The following GTF3A variants were observed in gnomAD, a reference collection of about 807,000 sequenced individuals.
GTF3A encodes general transcription factor IIIA, also known as transcription factor IIIA.
In GTF3A, 40 loss-of-function variants were observed where a neutral mutation model predicts 37.6. The observed-to-expected ratio is 1.06, with a 90% CI of 0.83 to 1.38. The LOEUF is 1.38. GTF3A is among the 40% of genes most tolerant of loss of function. The pLI is 0.00. For missense variants in GTF3A, 500 were observed against 462.6 expected (o/e 1.08, Z -0.74); for synonymous variants, 191 against 166.7 (o/e 1.15, Z -1.12).
rs903712577 is a variant in GTF3A, at chr13:27,424,656, C to T, written c.-82C>T. ...GTCGCGCGAAGGTTCAGCAGGGAGCCGTGGGCCGGGCGCGCCGGTTCCCGG... is the reference window on the plus strand; with the variant it reads ...GTCGCGCGAAGGTTCAGCAGGGAGCTGTGGGCCGGGCGCGCCGGTTCCCGG... On this transcript the variant is annotated 5_prime_UTR_variant, in exon 1 of 9. Transcript: ENST00000381140. The T allele has an allele frequency of 3.8e-6, 4 of 1,053,546 alleles. No individual in the cohort carries two copies. Among genetic ancestry groups the T allele is most frequent in the East Asian group, 3.3e-5 (1 of 30,730 alleles). The allele number at this position is 1,053,546 out of a possible 1,614,324, so 65.3% of individuals were successfully genotyped here.
At chr13:27,427,734 C>G (rs1381308588) in intron 2 of GTF3A, among the ~76,000 whole-genome samples, 1 of 151,340 alleles carries the variant, frequency 6.6e-6, no homozygotes, top group Non-Finnish European at 1.5e-5. Context: ...TGTATTTGTT[C>G]CTATTTGTAA....
chr13:27,427,124 C>A lies in GTF3A; in HGVS notation c.234C>A (p.Gly78=), dbSNP rs748918442. 2.1e-5 allele frequency: 33 copies of A among 1,604,214 alleles called. No individual in the cohort carries two copies. Among genetic ancestry groups the A allele is most frequent in the Non-Finnish European group, 2.8e-5 (33 of 1,171,616 alleles). The change falls in exon 2 of 9, where the codon GGC becomes GGA. Residue 78 remains glycine (G), a synonymous_variant. Transcript: ENST00000381140. ...TTGTTTGTGACTATGAAGGGTGTGG[C>A]AAGGCCTTCATCAGGGACTACCATC... is the stretch of plus-strand genomic sequence containing the variant.
intron 2 of GTF3A, among the ~76,000 whole-genome samples, chr13:27,428,913 TA>T (rs1443943287): frequency 1.3e-5 from 2 of 150,186 alleles, no homozygotes; most frequent in Admixed American, 1.4e-4. Context: ...GGAAAGGGCA[TA>T]AGAGGCATGC....
Position 27,435,765 on chromosome 13 carries a change from C to T in GTF3A, c.*168C>T. The T allele has an allele frequency of 6.2e-7, 1 of 1,613,994 alleles. No individual in the cohort carries two copies. The highest frequency in any genetic ancestry group is 1.1e-5 in the South Asian group (1 of 91,080). ...GGGTCTCTTGAGTTTCTTTATATGC[C>T]TTCTCCTCATTTTTGCTGAAAGCAC... is the stretch of plus-strand genomic sequence containing the variant. On this transcript the variant is annotated 3_prime_UTR_variant, in exon 9 of 9. Transcript: ENST00000381140.
At chr13:27,434,252 A>G (rs754874045) in intron 6 of GTF3A, 33 bp downstream of exon 6, 45 of 838,446 alleles carry the variant, frequency 5.4e-5, no homozygotes, top group Non-Finnish European at 9.1e-5. Flanking sequence ...GCATGGTGTA[A>G]ATGTTTGTCC....
chr13:27,435,695 A>G lies in GTF3A; in HGVS notation c.*98A>G, dbSNP rs899119323. ...TAAAATTACTGATGCAGAACATTTG[A>G]TTCCTTATCATTTCCATGGTCTTTG... On this transcript the variant is annotated 3_prime_UTR_variant, in exon 9 of 9. Transcript: ENST00000381140. The G allele has an allele frequency of 2.5e-6, 4 of 1,613,644 alleles. No homozygotes were observed. In the African/African-American group the frequency reaches 4.0e-5, roughly 16 times the overall value.
In GTF3A at chr13:27,435,166, C is replaced by T. The variant is rs749883779; in HGVS notation, c.907C>T (p.Pro303Ser). Residue 303 changes from proline to serine, a missense_variant, in exon 8 of 9, where the codon CCT (proline) becomes TCT (serine). Physicochemically the swap from Pro to Ser is moderately conservative, Grantham distance 74. Coordinates refer to ENST00000381140, the MANE Select transcript of GTF3A (RefSeq NM_002097.3). ...CACTAGGCATGCTGTTGTACATGAT[C>T]CTGACAAGAAGAAAATGAAGCTCAA... 41 of 1,600,100 alleles carry T rather than the reference C, an allele frequency of 2.6e-5. No homozygotes were observed. The highest frequency in any genetic ancestry group is 3.1e-5 in the Non-Finnish European group (36 of 1,176,234).
intron 5 of GTF3A, among the ~76,000 whole-genome samples, 164 bp downstream of exon 5, chr13:27,432,968 C>T (rs1953670999): frequency 6.6e-6 from 1 of 152,202 alleles, no homozygotes; most frequent in South Asian, 2.1e-4. Flanking sequence ...CTGTATATGT[C>T]TGTTTTTCCA....
Position 27,424,682 on chromosome 13 carries a change from C to G in GTF3A, c.-56C>G. On this transcript the variant is annotated 5_prime_UTR_variant, in exon 1 of 9. Transcript: ENST00000381140. The stretch of plus-strand genomic sequence containing the variant: ...GTGGGCCGGGCGCGCCGGTTCCCGG[C>G]ACGTGTCTCGGCACGTGGCAGCGCG... The G allele has an allele frequency of 2.4e-6, 3 of 1,263,070 alleles. No individual in the cohort carries two copies. Among genetic ancestry groups the G allele is most frequent in the Non-Finnish European group, 3.1e-6 (3 of 977,568 alleles). 78.2% of individuals were successfully genotyped at this position (1,263,070 alleles called of 1,614,324 possible).
At chr13:27,432,250 G>T (rs1953663471) in intron 4 of GTF3A, among the ~76,000 whole-genome samples, 1 of 152,150 alleles carries the variant, frequency 6.6e-6, no homozygotes, top group South Asian at 2.1e-4. Context: ...TTGTGGGTCT[G>T]CTGCTGCTGC....
At chr13:27,435,257 C>CT (rs1322587123) in intron 8 of GTF3A, 65 bp downstream of exon 8, 9 of 1,399,588 alleles carry the variant, frequency 6.4e-6, no homozygotes, top group Non-Finnish European at 8.9e-6. Flanking sequence ...CAGAAGGAGT[C>CT]TGTTTGGAAT....
chr13:27,430,760 C>T lies in GTF3A; in HGVS notation c.488+139C>T, dbSNP rs1175517039. The T allele has an allele frequency of 2.8e-5, 17 of 614,000 alleles. No individual in the cohort carries two copies. In the South Asian group the frequency reaches 3.6e-4, roughly 13 times the overall value. The allele number at this position is 614,000 out of a possible 1,614,324, so 38.0% of individuals were successfully genotyped here. A position where few individuals can be genotyped will look rare whatever the true frequency, so the allele number is the denominator to read the frequency against. On this transcript the variant is annotated intron_variant, in intron 4 of 8. Coordinates refer to ENST00000381140, the MANE Select transcript of GTF3A (RefSeq NM_002097.3). ...AGAAATGTCTGTTCATATCCTTTGC[C>T]CACTTTTCGATGGATTGTTTTTTTC...
chr13:27,431,644 G>C (rs1272652886), intron 4 of GTF3A, among the ~76,000 whole-genome samples: 1 of 152,094 alleles, frequency 6.6e-6, no homozygotes, highest in Admixed American at 6.5e-5. Flanking sequence ...AGTTTGGGGA[G>C]GGGGGTGAGG....
At chr13:27,433,523 AAAAC>A (rs1378380417) in intron 5 of GTF3A, among the ~76,000 whole-genome samples, 1 of 47,012 alleles carries the variant, frequency 2.1e-5, no homozygotes, top group African/African-American at 6.8e-5. Flanking sequence ...TTAAAAAAAA[AAAAC>A]AAAAAAAAAC....
At chr13:27,432,484 A>G (rs1006836682) in intron 4 of GTF3A, among the ~76,000 whole-genome samples, 10 of 152,226 alleles carry the variant, frequency 6.6e-5, no homozygotes, top group African/African-American at 2.4e-4. Context: ...TTCCAGAGGT[A>G]TAAAGATGAA....
rs542913652 is a variant in GTF3A at position 27,433,988 on chromosome 13, T to C, written c.563-151T>C. On this transcript the variant is annotated intron_variant, in intron 5 of 8. Coordinates refer to ENST00000381140, the MANE Select transcript of GTF3A (RefSeq NM_002097.3). ...TCAGTTTTACTATAACATCAATCTTTTTTTAGTTTTTATTCCCACCTCAAG... is the reference window on the plus strand; with the variant it reads ...TCAGTTTTACTATAACATCAATCTTCTTTTAGTTTTTATTCCCACCTCAAG... 3 of 577,726 alleles carry C rather than the reference T, an allele frequency of 5.2e-6. No homozygotes were observed. In the African/African-American group the frequency reaches 5.6e-5, roughly 11 times the overall value. The allele number at this position is 577,726 out of a possible 1,614,324, so 35.8% of individuals were successfully genotyped here.
intron 6 of GTF3A, 28 bp from the exon 7 acceptor site, chr13:27,434,777 T>G: frequency 7.3e-7 from 1 of 1,365,422 alleles, no homozygotes. Flanking sequence ...TGGGGAAATT[T>G]GTGAAATTTG....
intron 6 of GTF3A, 90 bp from the exon 7 acceptor site, chr13:27,434,715 C>T (rs1953692955): frequency 5.9e-6 from 4 of 675,042 alleles, no homozygotes; most frequent in Admixed American, 5.5e-5. Flanking sequence ...AGGTTTCAGG[C>T]ACTGAATGTT....
chr13:27,432,295 G>A (rs1276392705), intron 4 of GTF3A, among the ~76,000 whole-genome samples: 2 of 152,130 alleles, frequency 1.3e-5, no homozygotes, highest in African/African-American at 2.4e-5. Context: ...GAGGGGGCCC[G>A]TGCTTTTTAT....
Sources: allele counts gnomAD v4.1 joint callset (sites outside exome capture counted in the v4.1 genomes callset), GRCh38; gene constraint gnomAD v4.1.1; transcripts MANE v1.5; gene names NCBI Gene and HGNC (gene_info 2026-07-23, HGNC 2026-07-21).